Variants in RXFP1 observed in about 807,000 individuals in gnomAD.
RXFP1 encodes the protein relaxin receptor 1.
A neutral mutation model predicts 89.8 loss-of-function variants in RXFP1; 73 were observed. That is an observed-to-expected ratio of 0.81 (90% CI 0.67 to 0.99). RXFP1 has a LOEUF of 0.99. Ranked by LOEUF, RXFP1 falls within the 50% of genes least tolerant of loss-of-function variation. The pLI is 0.00. For synonymous variants in RXFP1, 277 were observed against 305.5 expected (o/e 0.91, Z 0.97); for missense variants, 793 against 895.5 (o/e 0.89, Z 1.46).
chr4:158,586,891 TAA>T (rs61486750), intron 2 of RXFP1, among the ~76,000 whole-genome samples: 4 of 142,240 alleles, frequency 2.8e-5, no homozygotes, highest in African/African-American at 2.6e-5. Context: ...CTATTAATGG[TAA>T]AAAAAAAAAA....
chr4:158,605,232 G>A (rs1418333271), intron 5 of RXFP1, 93 bp downstream of exon 5: 16 of 628,812 alleles, frequency 2.5e-5, no homozygotes, highest in Admixed American at 7.6e-5. Flanking sequence ...ACACTATTCC[G>A]CTGCTTGTGT....
chr4:158,536,807 T>G (rs1458313292), intron 1 of RXFP1, among the ~76,000 whole-genome samples: 1 of 152,124 alleles, frequency 6.6e-6, no homozygotes, highest in Non-Finnish European at 1.5e-5. Flanking sequence ...TTTTCTGGCA[T>G]AAATTAGATG....
chr4:158,612,452 T>A, intron 8 of RXFP1, 90 bp downstream of exon 8: 1 of 951,052 alleles, frequency 1.1e-6, no homozygotes, highest in East Asian at 2.6e-5. Flanking sequence ...AAATTTGGAT[T>A]TGTTAAAACC....
At chr4:158,566,339 T>A (rs926911626) in intron 1 of RXFP1, among the ~76,000 whole-genome samples, 1 of 151,748 alleles carries the variant, frequency 6.6e-6, no homozygotes, top group Non-Finnish European at 1.5e-5. Context: ...ACTTCTCAGT[T>A]TGAGATTATC....
chr4:158,650,907 G>A (rs1241634622), intron 17 of RXFP1, among the ~76,000 whole-genome samples: 1 of 152,120 alleles, frequency 6.6e-6, no homozygotes, highest in Admixed American at 6.5e-5. Flanking sequence ...CCAGGAGATT[G>A]AAACCAACCT....
chr4:158,652,314 A>G lies in RXFP1; in HGVS notation c.*259A>G, dbSNP rs1580365122. On this transcript the variant is annotated 3_prime_UTR_variant, in exon 18 of 18. Transcript: ENST00000307765. ...TCAGTAACATTCATTCATTTTTCTAACATGCATTTATTGAGTACCCACTAC... is the reference window on the plus strand; with the variant it reads ...TCAGTAACATTCATTCATTTTTCTAGCATGCATTTATTGAGTACCCACTAC... 2 of 368,662 alleles carry G rather than the reference A, an allele frequency of 5.4e-6. No homozygotes were observed. The highest frequency in any genetic ancestry group is 1.0e-4 in the East Asian group (2 of 19,180). The allele number at this position is 368,662 out of a possible 1,614,324, so 22.8% of individuals were successfully genotyped here. A position where few individuals can be genotyped will look rare whatever the true frequency, so the allele number is the denominator to read the frequency against.
At chr4:158,624,945 C>T (rs76124172) in intron 9 of RXFP1, among the ~76,000 whole-genome samples, 1 of 152,136 alleles carries the variant, frequency 6.6e-6, no homozygotes, top group Non-Finnish European at 1.5e-5. Flanking sequence ...CCAATATGTG[C>T]CTCTTTTTGA....
intron 1 of RXFP1, among the ~76,000 whole-genome samples, chr4:158,558,709 A>G (rs747927897): frequency 1.3e-5 from 2 of 152,216 alleles, no homozygotes; most frequent in Non-Finnish European, 2.9e-5. Context: ...AAGGCCTGAG[A>G]AATCCTGAAT....
chr4:158,536,555 T>A (rs1238297183), intron 1 of RXFP1, among the ~76,000 whole-genome samples: 1 of 152,178 alleles, frequency 6.6e-6, no homozygotes, highest in Admixed American at 6.5e-5. Flanking sequence ...TAAGAATACA[T>A]TCAATCATTC....
intron 1 of RXFP1, among the ~76,000 whole-genome samples, chr4:158,568,455 G>A (rs955681165): frequency 6.6e-6 from 1 of 152,164 alleles, no homozygotes; most frequent in African/African-American, 2.4e-5. Flanking sequence ...TGTAGCTGGA[G>A]GCTAATTCAT....
At chr4:158,651,633 T>C in intron 17 of RXFP1, 124 bp from the exon 18 acceptor site, 1 of 650,448 alleles carries the variant, frequency 1.5e-6, no homozygotes, top group Non-Finnish European at 2.5e-6. Context: ...TATTTAATTA[T>C]GTGACATCAA....
intron 1 of RXFP1, among the ~76,000 whole-genome samples, chr4:158,539,493 T>A (rs1013515163): frequency 8.2e-4 from 119 of 144,960 alleles, no homozygotes; most frequent in African/African-American, 2.4e-3. Context: ...TAATAAAATT[T>A]AAAAAAAAAA....
intron 1 of RXFP1, among the ~76,000 whole-genome samples, chr4:158,542,092 TATATATATATA>T (rs1290534453): frequency 2.7e-5 from 1 of 37,146 alleles, no homozygotes; most frequent in South Asian, 1.4e-3. Context: ...TATATATATA[TATATATATATA>T]TATATATTTT....
chr4:158,580,638 G>C (rs897105693), intron 2 of RXFP1, among the ~76,000 whole-genome samples: 6 of 152,100 alleles, frequency 3.9e-5, no homozygotes, highest in Admixed American at 2.0e-4. Context: ...TTCTATTTCA[G>C]CTCCTTCCCA....
intron 1 of RXFP1, among the ~76,000 whole-genome samples, chr4:158,550,453 A>G (rs1389726407): frequency 1.3e-5 from 2 of 152,196 alleles, no homozygotes; most frequent in Non-Finnish European, 2.9e-5. Flanking sequence ...CGCTGCACCC[A>G]GTGACCTGCA....
At chr4:158,605,825 A>G (rs1330701850) in intron 5 of RXFP1, among the ~76,000 whole-genome samples, 1 of 152,192 alleles carries the variant, frequency 6.6e-6, no homozygotes, top group African/African-American at 2.4e-5. Flanking sequence ...CTAACTAAGA[A>G]ATATCTCAGG....
intron 1 of RXFP1, among the ~76,000 whole-genome samples, chr4:158,525,219 C>CT (rs1553988676): frequency 7.2e-6 from 1 of 138,142 alleles, no homozygotes; most frequent in Non-Finnish European, 1.5e-5. Flanking sequence ...TATACTTTGG[C>CT]GGGGGGGGGT....
At position 158,602,456 on chromosome 4, in the gene RXFP1, C is replaced by A. The variant is rs1579976372; in HGVS notation, c.393-2612C>A. ...GCTATAGTGATTCAGGTCCTGTTAT[C>A]TACCTGAAAAAGGAAAATGCCATGG... On this transcript the variant is annotated intron_variant, in intron 4 of 17. Transcript: ENST00000307765. Among the ~76,000 whole-genome samples, 3 of 152,004 alleles carry A rather than the reference C, an allele frequency of 2.0e-5. No individual in the cohort carries two copies. In the East Asian group the frequency reaches 5.8e-4, roughly 29 times the overall value.
chr4:158,562,901 A>G (rs1388061303), intron 1 of RXFP1, among the ~76,000 whole-genome samples: 2 of 152,222 alleles, frequency 1.3e-5, no homozygotes, highest in African/African-American at 2.4e-5. Flanking sequence ...CTTGCCAAAC[A>G]GTTAAAGTTA....
Sources: allele counts gnomAD v4.1 joint callset (sites outside exome capture counted in the v4.1 genomes callset), GRCh38; gene constraint gnomAD v4.1.1; transcripts MANE v1.5; gene names NCBI Gene and HGNC (gene_info 2026-07-23, HGNC 2026-07-21).